ACKR3: variants seen among roughly 807,000 people sequenced by gnomAD.
ACKR3 encodes atypical chemokine receptor 3, also known as C-X-C chemokine receptor type 7.
Under a neutral mutation model 22.4 loss-of-function variants are expected in ACKR3, and 6 were observed. That is an observed-to-expected ratio of 0.27 (90% CI 0.15 to 0.53). ACKR3 has a LOEUF of 0.53. Ranked by LOEUF, ACKR3 falls within the 20% of genes least tolerant of loss-of-function variation. ACKR3 has a pLI of 0.96. For synonymous variants in ACKR3, 209 were observed against 205.2 expected (o/e 1.02, Z -0.16); for missense variants, 396 against 475.2 (o/e 0.83, Z 1.55).
At chr2:236,544,640 G>A in the ACKR3 span, among the ~76,000 whole-genome samples, 2 of 152,212 alleles carry the variant, frequency 1.3e-5, no homozygotes, top group Non-Finnish European at 2.9e-5. The surrounding 1 kb of genome is among the most constrained non-coding windows in gnomAD (Gnocchi z 5.0). Context: ...TGTTGAAGAC[G>A]AAGGCAGAAT....
intron 1 of ACKR3, among the ~76,000 whole-genome samples, chr2:236,571,086 C>T (rs77240215): frequency 3.2e-4 from 48 of 152,272 alleles, no homozygotes; most frequent in African/African-American, 1.0e-3. Context: ...CAGCTAGGCA[C>T]GCCTAGCAAA....
chr2:236,557,856 G>A, the ACKR3 span, among the ~76,000 whole-genome samples: 1 of 152,196 alleles, frequency 6.6e-6, no homozygotes, highest in Non-Finnish European at 1.5e-5. Context: ...TCTATGATAT[G>A]CATGCCAGAA....
chr2:236,572,647 G>A (rs933934089), intron 1 of ACKR3, among the ~76,000 whole-genome samples: 42 of 152,204 alleles, frequency 2.8e-4, no homozygotes, highest in African/African-American at 9.9e-4. Context: ...CCTAAGCTGG[G>A]TGGGAATCAG....
At chr2:236,542,942 A>G in the ACKR3 span, among the ~76,000 whole-genome samples, 2 of 84,238 alleles carry the variant, frequency 2.4e-5, no homozygotes, top group East Asian at 5.5e-4. Flanking sequence ...TGTACAATAC[A>G]TTCTATATGC....
At chr2:236,572,958 G>A (rs563485701) in intron 1 of ACKR3, among the ~76,000 whole-genome samples, 28 of 152,206 alleles carry the variant, frequency 1.8e-4, no homozygotes, top group Non-Finnish European at 3.8e-4. Flanking sequence ...AAGCAGTTAT[G>A]TACTTGCATA....
the ACKR3 span, among the ~76,000 whole-genome samples, chr2:236,552,696 T>C: frequency 1.3e-5 from 2 of 152,152 alleles, no homozygotes; most frequent in Non-Finnish European, 2.9e-5. Flanking sequence ...TACAGAGGCA[T>C]GCTCTGCGTG....
chr2:236,541,722 G>A, the ACKR3 span, among the ~76,000 whole-genome samples: 1 of 152,204 alleles, frequency 6.6e-6, no homozygotes, highest in Non-Finnish European at 1.5e-5. Context: ...TAATCCCAAT[G>A]TCAAGGGTGG....
the ACKR3 span, among the ~76,000 whole-genome samples, chr2:236,546,369 G>A: frequency 6.6e-6 from 1 of 152,112 alleles, no homozygotes; most frequent in Non-Finnish European, 1.5e-5. The surrounding 1 kb of genome is among the most constrained non-coding windows in gnomAD (Gnocchi z 4.9). Flanking sequence ...CTGTCTCTCT[G>A]AGTCCATCTC....
chr2:236,561,115 A>G, the ACKR3 span, among the ~76,000 whole-genome samples: 2 of 152,256 alleles, frequency 1.3e-5, no homozygotes, highest in Non-Finnish European at 2.9e-5. Context: ...ATCTCATAGA[A>G]TCAAAGAGTG....
At chr2:236,554,925 G>A in the ACKR3 span, among the ~76,000 whole-genome samples, 3 of 152,222 alleles carry the variant, frequency 2.0e-5, no homozygotes, top group Non-Finnish European at 2.9e-5. Flanking sequence ...GAGGTGAGTC[G>A]ATAAGCATCA....
rs1279454694 is a variant in ACKR3 at position 236,577,154 on chromosome 2, T to C, written c.-26-3286T>C. Among the ~76,000 whole-genome samples, 1 of 152,052 alleles carries C rather than the reference T, an allele frequency of 6.6e-6. No homozygotes were observed. The highest frequency in any genetic ancestry group is 1.5e-5 in the Non-Finnish European group (1 of 67,992). ...TTGAGGATCGGTGATCGGTGAGTGATGATAGGTGGCCGGTGATCGGTGGGG... is the reference window on the plus strand; with the variant it reads ...TTGAGGATCGGTGATCGGTGAGTGACGATAGGTGGCCGGTGATCGGTGGGG... On this transcript the variant is annotated intron_variant, in intron 1 of 1. Transcript: ENST00000272928. The surrounding 1 kb of genome is among the most constrained non-coding windows in gnomAD (Gnocchi z 5.6).
At chr2:236,547,645 T>C in the ACKR3 span, among the ~76,000 whole-genome samples, 1 of 152,356 alleles carries the variant, frequency 6.6e-6, no homozygotes, top group South Asian at 2.1e-4. Flanking sequence ...TCATTCTTAA[T>C]AGGTAATTAT....
In ACKR3 at chr2:236,581,382, T is replaced by G. The variant is rs1574979270; in HGVS notation, c.917T>G (p.Val306Gly). Residue 306 changes from valine to glycine, a missense_variant, in exon 2 of 2, where the codon GTG becomes GGG. Val to Gly is a moderately radical substitution (Grantham distance 109, BLOSUM62 -3). Transcript: ENST00000272928. This position sits in a 1 kb window ranked among gnomAD's most constrained non-coding sequence, Gnocchi z 4.4. ...CATGTCACACAGTGCCTGTCGCTGG[T>G]GCACTGCTGCGTCAACCCTGTCCTC... is the stretch of plus-strand genomic sequence containing the variant. ...ALHVTQCLSL[V>G]HCCVNPVLYS... 6.2e-7 allele frequency: 1 copy of G among 1,614,100 alleles called. No individual in the cohort carries two copies. The highest frequency in any genetic ancestry group is 8.5e-7 in the Non-Finnish European group (1 of 1,180,046).
Position 236,581,599 on chromosome 2 carries a change from A to G in ACKR3, c.*45A>G. 1 of 1,581,168 alleles carries G rather than the reference A, an allele frequency of 6.3e-7. No individual in the cohort carries two copies. Among genetic ancestry groups the G allele is most frequent in the Admixed American group, 1.7e-5 (1 of 57,420 alleles). On this transcript the variant is annotated 3_prime_UTR_variant, in exon 2 of 2. Transcript: ENST00000272928. This position sits in a 1 kb window ranked among gnomAD's most constrained non-coding sequence, Gnocchi z 4.4. Reference sequence around the variant, plus strand: ...GGGACGGGTTTACTTGTTTTTGAACAGGGTGATGGGCCCTATGGTTTTCTA... The same window carrying G: ...GGGACGGGTTTACTTGTTTTTGAACGGGGTGATGGGCCCTATGGTTTTCTA...
At chr2:236,537,975 C>T in the ACKR3 span, among the ~76,000 whole-genome samples, 1 of 152,246 alleles carries the variant, frequency 6.6e-6, no homozygotes, top group East Asian at 1.9e-4. Context: ...ATAAAAATAA[C>T]CTAATAAGAA....
At chr2:236,569,320 A>G (rs1691259310), upstream of ACKR3, among the ~76,000 whole-genome samples, 1 of 152,248 alleles carries the variant, frequency 6.6e-6, no homozygotes, top group Admixed American at 6.5e-5. Flanking sequence ...TTCATTGGTC[A>G]TACCAAAACT....
At chr2:236,546,938 A>G in the ACKR3 span, among the ~76,000 whole-genome samples, 5 of 152,210 alleles carry the variant, frequency 3.3e-5, no homozygotes, top group Non-Finnish European at 5.9e-5. This position sits in a 1 kb window ranked among gnomAD's most constrained non-coding sequence, Gnocchi z 4.9. Context: ...GGTTGTTCCC[A>G]CTGTAAATCA....
chr2:236,580,955 G>A lies in ACKR3; in HGVS notation c.490G>A (p.Val164Ile), dbSNP rs565164449. 2.2e-5 allele frequency: 36 copies of A among 1,614,124 alleles called. No homozygotes were observed. Among genetic ancestry groups the A allele is most frequent in the South Asian group, 4.4e-5 (4 of 91,074 alleles). The change falls in exon 2 of 2, where the codon GTC becomes ATC. Residue 164 changes from valine to isoleucine, a missense_variant. Transcript: ENST00000272928. The part of the protein sequence containing the change: ...SSRKKMVRRV[V>I]CILVWLLAFC... ...CAGGAAGAAGATGGTACGCCGTGTC[G>A]TCTGCATCCTGGTGTGGCTGCTGGC...
chr2:236,566,226 G>A (rs1467208999), upstream of ACKR3, among the ~76,000 whole-genome samples: 3 of 152,214 alleles, frequency 2.0e-5, no homozygotes, highest in Non-Finnish European at 4.4e-5. Context: ...GCAACCCCAG[G>A]TGCAGATTAC....
Sources: allele counts gnomAD v4.1 joint callset (sites outside exome capture counted in the v4.1 genomes callset), GRCh38; gene constraint gnomAD v4.1.1; non-coding constraint Gnocchi (gnomAD v3.1); transcripts MANE v1.5; gene names NCBI Gene and HGNC (gene_info 2026-07-23, HGNC 2026-07-21).